COMMD5: variants seen among roughly 807,000 people sequenced by gnomAD.
COMMD5 encodes the protein COMM domain containing 5.
Under a neutral mutation model 6.9 loss-of-function variants are expected in COMMD5, and 10 were observed. That is an observed-to-expected ratio of 1.44 (90% confidence interval 0.89 to 2.45). The LOEUF is 2.45. Among genes scored for constraint, COMMD5 ranks in the 30% most tolerant of loss-of-function variants. The pLI is 0.00. For missense variants in COMMD5, 234 were observed against 287.8 expected (o/e 0.81, Z 1.35); for synonymous variants, 127 against 125.3 (o/e 1.01, Z -0.09).
At chr8:144,851,924 G>C (rs1830764749) in intron 1 of COMMD5, among the ~76,000 whole-genome samples, 1 of 152,146 alleles carries the variant, frequency 6.6e-6, no homozygotes, top group Non-Finnish European at 1.5e-5. Context: ...GATCGCTTGA[G>C]CCCAGGAGTT....
chr8:144,843,450 T>C (rs183377118), intron 1 of COMMD5: 312 of 255,206 alleles, frequency 1.2e-3, no homozygotes, highest in Middle Eastern at 3.6e-3. Context: ...TAGCTGGGCG[T>C]GGTGGCAGGC....
At chr8:144,841,279 TG>T in exon 2 of COMMD5, 3 of 1,453,694 alleles carry the variant, frequency 2.1e-6, no homozygotes, top group Non-Finnish European at 2.8e-6. Flanking sequence ...CCTTGAGCCC[TG>T]GCCCCCGCAT....
chr8:144,839,794 TG>T (rs1340401900), downstream of COMMD5, among the ~76,000 whole-genome samples: 9 of 152,272 alleles, frequency 5.9e-5, no homozygotes, highest in Middle Eastern at 0.014. Context: ...TGAAAGATAT[TG>T]GCCCAGAGCA....
At chr8:144,847,658 T>G (rs1051276590), downstream of COMMD5, 1 of 152,224 alleles carries the variant, frequency 6.6e-6, no homozygotes, top group African/African-American at 2.4e-5. Context: ...AAGTCCCCAG[T>G]GCATGCAGCT....
At chr8:144,845,953 T>C, downstream of COMMD5, 1 of 1,534,964 alleles carries the variant, frequency 6.5e-7, no homozygotes, top group South Asian at 1.2e-5. Flanking sequence ...AGCACAGGGG[T>C]TGCTGTTGCT....
chr8:144,846,433 T>C, downstream of COMMD5: 1 of 405,556 alleles, frequency 2.5e-6, no homozygotes, highest in East Asian at 4.0e-5. Flanking sequence ...GTCCCTGGGC[T>C]TGGTGATGCC....
downstream of COMMD5, among the ~76,000 whole-genome samples, chr8:144,840,013 C>T (rs994254432): frequency 2.6e-5 from 4 of 152,236 alleles, no homozygotes; most frequent in African/African-American, 9.6e-5. Flanking sequence ...TGGCTCACTG[C>T]AACCTCTGCC....
Position 144,842,784 on chromosome 8 carries a change from G to A in COMMD5, c.*117-1041C>T, listed in dbSNP as rs758559639. The stretch of plus-strand genomic sequence containing the variant: ...GGCCCTATAAATGTAATGAATGTGG[G>A]AAAGCCTTCAGTCAAAACTCAACCC... On this transcript the variant is annotated intron_variant and NMD_transcript_variant, in intron 1 of 1. Coordinates refer to the COMMD5 transcript ENST00000530332. 6 of 1,614,158 alleles carry A rather than the reference G, an allele frequency of 3.7e-6. No homozygotes were observed. In the South Asian group the frequency reaches 6.6e-5, roughly 18 times the overall value.
chr8:144,838,296 A>G, downstream of COMMD5: 1 of 585,000 alleles, frequency 1.7e-6, no homozygotes, highest in Non-Finnish European at 3.1e-6. Flanking sequence ...TTAATCTGCA[A>G]CGACTGTGTT....
At chr8:144,843,327 T>G (rs149070948) in intron 1 of COMMD5, 24 of 878,108 alleles carry the variant, frequency 2.7e-5, no homozygotes, top group South Asian at 2.3e-4. Context: ...TGGTGGCTTA[T>G]GCCTGTCATC....
At chr8:144,842,023 T>C in intron 1 of COMMD5, 1 of 1,614,204 alleles carries the variant, frequency 6.2e-7, no homozygotes, top group Non-Finnish European at 8.5e-7. Flanking sequence ...GGAGAAGCCC[T>C]ACAGATGTGA....
rs117149707 is a variant in COMMD5 at position 144,844,109 on chromosome 8, G to C, written c.*117-2366C>G. ...CTGAGGTCACACTTGTGTCCCAGGG[G>C]CTTGCTGTGTGACCTAGGACATCAT... On this transcript the variant is annotated intron_variant and NMD_transcript_variant, in intron 1 of 1. Coordinates refer to the COMMD5 transcript ENST00000530332. Among the ~76,000 whole-genome samples the C allele has an allele frequency of 4.6e-4, 70 of 152,330 alleles. 1 individual carries two copies. In the East Asian group the frequency reaches 0.013, roughly 29 times the overall value.
At chr8:144,844,280 C>A (rs1217940519) in intron 1 of COMMD5, among the ~76,000 whole-genome samples, 6 of 152,236 alleles carry the variant, frequency 3.9e-5, no homozygotes, top group Admixed American at 3.3e-4. Flanking sequence ...CCAACCCCCC[C>A]ATCCATGCCA....
At chr8:144,840,084 G>A (rs1376025330), downstream of COMMD5, among the ~76,000 whole-genome samples, 1 of 152,234 alleles carries the variant, frequency 6.6e-6, no homozygotes, top group South Asian at 2.1e-4. Flanking sequence ...ACAGGCGTGA[G>A]CCACTGCACC....
intron 1 of COMMD5, among the ~76,000 whole-genome samples, chr8:144,844,731 A>C (rs1038612896): frequency 2.0e-5 from 3 of 149,384 alleles, no homozygotes; most frequent in Non-Finnish European, 4.5e-5. Context: ...AAAAAAAAAA[A>C]AAAAACGAAA....
At chr8:144,844,193 G>A (rs940051295) in intron 1 of COMMD5, among the ~76,000 whole-genome samples, 2 of 152,158 alleles carry the variant, frequency 1.3e-5, no homozygotes, top group Non-Finnish European at 2.9e-5. Flanking sequence ...CTGTGAGAGG[G>A]TACTGAGAGG....
intron 1 of COMMD5, among the ~76,000 whole-genome samples, chr8:144,844,481 T>C (rs1185186534): frequency 6.6e-6 from 1 of 150,992 alleles, no homozygotes; most frequent in Non-Finnish European, 1.5e-5. Flanking sequence ...GAGGTCGAGG[T>C]GGGTGGATCA....
downstream of COMMD5, chr8:144,838,090 C>T: frequency 1.4e-6 from 1 of 703,010 alleles, no homozygotes. Context: ...AGGATCCTGT[C>T]CTGCCTCTCC....
At position 144,850,680 on chromosome 8, in the gene COMMD5, C is replaced by T. The variant is rs763296080; in HGVS notation, c.659G>A (p.Arg220His). Residue 220 changes from arginine to histidine, a missense_variant, in exon 2 of 2, where the codon CGC becomes CAC. By Grantham distance (29) the Arg-to-His change is conservative. Coordinates refer to ENST00000305103, the MANE Select transcript of COMMD5 (RefSeq NM_014066.4). This position sits in a 1 kb window ranked among gnomAD's most constrained non-coding sequence, Gnocchi z 4.0. ...AGTGAGGGGTCAGTCCTGCAGTCTGCGCTCACACCTCTTCTCCAGATCTGC... is the reference window on the plus strand; with the variant it reads ...AGTGAGGGGTCAGTCCTGCAGTCTGTGCTCACACCTCTTCTCCAGATCTGC... ...EMADLEKRCE[R>H]RLQD 3.0e-5 allele frequency: 48 copies of T among 1,613,370 alleles called. No homozygotes were observed. The highest frequency in any genetic ancestry group is 3.0e-4 in the South Asian group (27 of 91,046).
Sources: gnomAD v4.1 joint callset for allele counts (sites outside exome capture counted in the v4.1 genomes callset) on GRCh38, gnomAD v4.1.1 for gene constraint, Gnocchi (gnomAD v3.1) non-coding constraint, MANE v1.5 for transcripts, NCBI Gene and HGNC (gene_info 2026-07-23, HGNC 2026-07-21) for gene names.